Variants in PPP1R12A observed in about 807,000 individuals in gnomAD.
PPP1R12A encodes the protein myosin binding subunit.
In PPP1R12A, 19 loss-of-function variants were observed where a neutral mutation model predicts 139.6. The ratio of observed to expected loss-of-function variants is 0.14; its 90% CI spans 0.09 to 0.20. The LOEUF (loss-of-function observed/expected upper bound fraction) is 0.20. Among genes scored for constraint, PPP1R12A ranks in the 10% least tolerant of loss-of-function variants. The pLI, the probability that PPP1R12A is intolerant of heterozygous loss-of-function variation, is 1.00. For synonymous variants in PPP1R12A, 427 were observed against 420.6 expected (o/e 1.02, Z -0.19); for missense variants, 925 against 1,211.5 (o/e 0.76, Z 3.51).
At chr12:79,847,365 C>T (rs2656027) in intron 2 of PPP1R12A, among the ~76,000 whole-genome samples, 1 of 152,044 alleles carries the variant, frequency 6.6e-6, no homozygotes, top group African/African-American at 2.4e-5. Flanking sequence ...AGTTGAAATT[C>T]ACAATTTTTA....
chr12:79,910,311 C>T (rs2137521316), intron 1 of PPP1R12A, among the ~76,000 whole-genome samples: 1 of 151,936 alleles, frequency 6.6e-6, no homozygotes, highest in South Asian at 2.1e-4. Context: ...GAAACCTTGT[C>T]TCCACTAAAA....
intron 2 of PPP1R12A, among the ~76,000 whole-genome samples, chr12:79,869,310 C>A (rs1395752164): frequency 6.6e-6 from 1 of 152,154 alleles, no homozygotes; most frequent in East Asian, 1.9e-4. Context: ...CTACTATTTC[C>A]AACAGAGGTT....
At chr12:79,800,636 A>ATCT (rs1873004577) in intron 14 of PPP1R12A, among the ~76,000 whole-genome samples, 1 of 151,566 alleles carries the variant, frequency 6.6e-6, no homozygotes, top group Non-Finnish European at 1.5e-5. Flanking sequence ...CTGTATCTCT[A>ATCT]TCTTCTATGC....
intron 2 of PPP1R12A, among the ~76,000 whole-genome samples, chr12:79,849,213 A>G (rs1879760536): frequency 6.6e-6 from 1 of 151,998 alleles, no homozygotes; most frequent in Non-Finnish European, 1.5e-5. Context: ...GCAAAACCCC[A>G]ACTCTACTAA....
chr12:79,815,400 G>A (rs753673449), intron 9 of PPP1R12A, among the ~76,000 whole-genome samples: 3 of 151,856 alleles, frequency 2.0e-5, no homozygotes, highest in South Asian at 2.1e-4. Context: ...AGGTGCCTGT[G>A]ATCCCTGTTA....
At chr12:79,805,557 G>T in intron 14 of PPP1R12A, 35 bp downstream of exon 14, 1 of 1,585,124 alleles carries the variant, frequency 6.3e-7, no homozygotes, top group Non-Finnish European at 8.6e-7. Context: ...CACTGGGCAA[G>T]ATATATCAGC....
chr12:79,894,534 T>C (rs911827709), intron 1 of PPP1R12A, among the ~76,000 whole-genome samples: 12 of 152,262 alleles, frequency 7.9e-5, no homozygotes, highest in Admixed American at 2.0e-4. Context: ...CGAGGATTCA[T>C]ATTTTTAAAT....
chr12:79,934,371 C>G (rs988700712), intron 1 of PPP1R12A, among the ~76,000 whole-genome samples: 1 of 152,200 alleles, frequency 6.6e-6, no homozygotes, highest in African/African-American at 2.4e-5. Context: ...CCCACTACAC[C>G]CCTCCTTGTC....
intron 8 of PPP1R12A, among the ~76,000 whole-genome samples, chr12:79,817,781 A>T (rs1404797566): frequency 6.6e-6 from 1 of 152,216 alleles, no homozygotes; most frequent in Admixed American, 6.5e-5. Context: ...TGACTTCTGT[A>T]CTTTTAAAAT....
intron 24 of PPP1R12A, chr12:79,777,308 CA>C (rs1424282901): frequency 2.0e-6 from 2 of 979,764 alleles, no homozygotes; most frequent in Middle Eastern, 5.2e-4. Flanking sequence ...ACTTAAATTC[CA>C]AAATCATCCC....
intron 2 of PPP1R12A, among the ~76,000 whole-genome samples, chr12:79,864,138 T>C (rs762040203): frequency 2.0e-5 from 3 of 152,104 alleles, no homozygotes; most frequent in Admixed American, 6.5e-5. Flanking sequence ...CAACAAACTG[T>C]CTCTCAGACC....
chr12:79,911,826 C>G (rs1040911661), intron 1 of PPP1R12A, among the ~76,000 whole-genome samples: 3 of 152,134 alleles, frequency 2.0e-5, no homozygotes, highest in Non-Finnish European at 4.4e-5. Flanking sequence ...TCTCCACCTC[C>G]GATTCCCCCC....
At chr12:79,824,964 C>T (rs1481886469) in intron 5 of PPP1R12A, 1 of 152,122 alleles carries the variant, frequency 6.6e-6, no homozygotes, top group Non-Finnish European at 1.5e-5. Context: ...TCTTTACTCA[C>T]TTATTCTAAC....
Position 79,815,070 on chromosome 12 carries a change from T to C in PPP1R12A, c.1239+2324A>G, listed in dbSNP as rs1034798238. On this transcript the variant is annotated intron_variant, in intron 9 of 24. Transcript: ENST00000450142. Reference sequence around the variant, plus strand: ...CAAAGAGATTACTGGCCCACTATACTAACAGAGGTTATAAAGTATTTCTTT... The same window carrying C: ...CAAAGAGATTACTGGCCCACTATACCAACAGAGGTTATAAAGTATTTCTTT... Among the ~76,000 whole-genome samples, 63 of 152,122 alleles carry C rather than the reference T, an allele frequency of 4.1e-4. 1 individual carries two copies. Among genetic ancestry groups the C allele is most frequent in the African/African-American group, 1.5e-3 (62 of 41,432 alleles).
In PPP1R12A at chr12:79,798,721, T is replaced by C. The variant is rs959375579; in HGVS notation, c.2001-137A>G. The C allele has an allele frequency of 1.1e-4, 46 of 418,820 alleles. No individual in the cohort carries two copies. In the Middle Eastern group the frequency reaches 1.9e-3, roughly 17 times the overall value. 25.9% of individuals were successfully genotyped at this position (418,820 alleles called of 1,614,324 possible). ...AGGAAAAGTCTTCAGAAAATGGTCT[T>C]TGAAATTCAATAATGCAATCTTATA... On this transcript the variant is annotated intron_variant, in intron 14 of 24. Transcript: ENST00000450142.
Position 79,858,115 on chromosome 12 carries a change from T to C in PPP1R12A, c.369-12695A>G, listed in dbSNP as rs919023645. On this transcript the variant is annotated intron_variant, in intron 2 of 24. Coordinates refer to ENST00000450142, the MANE Select transcript of PPP1R12A (RefSeq NM_002480.3). ...TAAAGTATTCTTGACAAGAAATATA[T>C]AATAAAATTGAAATTCATGGATCTG... 6.6e-5 allele frequency among the ~76,000 whole-genome samples: 10 copies of C among 152,186 alleles called. No homozygotes were observed. The East Asian group carries it at 7.7e-4, about 12-fold the overall frequency.
At chr12:79,919,664 T>G (rs1018490612) in intron 1 of PPP1R12A, among the ~76,000 whole-genome samples, 2 of 152,138 alleles carry the variant, frequency 1.3e-5, no homozygotes, top group African/African-American at 4.8e-5. Flanking sequence ...TGATGTAAAT[T>G]TATAATTGTC....
At chr12:79,875,879 C>T (rs1282329085) in intron 1 of PPP1R12A, among the ~76,000 whole-genome samples, 1 of 152,108 alleles carries the variant, frequency 6.6e-6, no homozygotes, top group African/African-American at 2.4e-5. Flanking sequence ...AAAGGAAGTT[C>T]CTGTTTGTTC....
chr12:79,794,633 TAATC>T (rs994139148), intron 18 of PPP1R12A, among the ~76,000 whole-genome samples: 6 of 151,682 alleles, frequency 4.0e-5, no homozygotes, highest in Non-Finnish European at 5.9e-5. Context: ...TATACAAAGA[TAATC>T]AAAAGGAAGC....
Sources: allele counts gnomAD v4.1 joint callset (sites outside exome capture counted in the v4.1 genomes callset), GRCh38; gene constraint gnomAD v4.1.1; transcripts MANE v1.5; gene names NCBI Gene and HGNC (gene_info 2026-07-23, HGNC 2026-07-21).